Variants in CLN6 observed in about 807,000 individuals in gnomAD.
The protein encoded by CLN6 is ceroid-lipofuscinosis neuronal protein 6.
Under a neutral mutation model 33.3 loss-of-function variants are expected in CLN6, and 22 were observed. The observed-to-expected ratio is 0.66, with a 90% CI of 0.47 to 0.94. The LOEUF (loss-of-function observed/expected upper bound fraction) is 0.94. Among genes scored for constraint, CLN6 ranks in the 40% least tolerant of loss-of-function variants. The pLI is 0.00. For synonymous variants in CLN6, 201 were observed against 174.6 expected (o/e 1.15, Z -1.19); for missense variants, 387 against 417.1 (o/e 0.93, Z 0.63).
At chr15:68,233,072 C>T (rs2093270481), upstream of CLN6, among the ~76,000 whole-genome samples, 1 of 152,090 alleles carries the variant, frequency 6.6e-6, no homozygotes, top group African/African-American at 2.4e-5. The surrounding 1 kb of genome is among the most constrained non-coding windows in gnomAD (Gnocchi z 4.3). Context: ...TAAAGAAGGT[C>T]CTGTAAGGTC....
At chr15:68,215,572 A>G (rs867310285) in intron 2 of CLN6, 26 of 152,074 alleles carry the variant, frequency 1.7e-4, no homozygotes, top group African/African-American at 6.3e-4. Flanking sequence ...CCTGGGCTCA[A>G]GCGATCCTCC....
intron 1 of CLN6, among the ~76,000 whole-genome samples, chr15:68,253,045 CT>C: frequency 6.6e-6 from 1 of 152,176 alleles, no homozygotes; most frequent in South Asian, 2.1e-4. Flanking sequence ...TGCATTTGTT[CT>C]TTTGATGTAT....
rs1287691610 is a variant in CLN6, at chr15:68,228,651, T to C, written c.83+851A>G. ...AACAGCCTGTCTTCCCTGGGTCCCC[T>C]ACCAAGTCCTCTGAGACTCAGCTCA... On this transcript the variant is annotated intron_variant, in intron 1 of 6. Coordinates refer to ENST00000249806, the MANE Select transcript of CLN6 (RefSeq NM_017882.3). This position sits in a 1 kb window ranked among gnomAD's most constrained non-coding sequence, Gnocchi z 4.4. Among the ~76,000 whole-genome samples the C allele has an allele frequency of 3.3e-5, 5 of 152,102 alleles. No individual in the cohort carries two copies. The highest frequency in any genetic ancestry group is 1.3e-4 in the Admixed American group (2 of 15,272).
chr15:68,213,770 T>C (rs1341643721), intron 3 of CLN6: 3 of 165,960 alleles, frequency 1.8e-5, no homozygotes, highest in African/African-American at 7.2e-5. Context: ...CAACCTATAG[T>C]AGTTTTAAAG....
At chr15:68,239,783 G>C (rs530054399) in intron 1 of CLN6, among the ~76,000 whole-genome samples, 9 of 152,208 alleles carry the variant, frequency 5.9e-5, no homozygotes, top group African/African-American at 2.2e-4. Context: ...CAACAATCAA[G>C]GAACAGGCAT....
rs1284349920 is a variant in CLN6 at position 68,207,995 on chromosome 15, C to CAT, written c.*144_*145insAT. The CAT allele has an allele frequency of 6.4e-6, 5 of 782,132 alleles. No individual in the cohort carries two copies. In the East Asian group the frequency reaches 1.3e-4, roughly 21 times the overall value. The allele number at this position is 782,132 out of a possible 1,614,324, so 48.4% of individuals were successfully genotyped here. ...CATATACAAGACACACACACACACA[C>CAT]ACACGAATCCACGCACACGAGGCAC... On this transcript the variant is annotated 3_prime_UTR_variant, in exon 7 of 7. Transcript: ENST00000249806.
At chr15:68,245,857 T>C (rs545981355) in intron 1 of CLN6, among the ~76,000 whole-genome samples, 13 of 151,564 alleles carry the variant, frequency 8.6e-5, no homozygotes, top group African/African-American at 2.9e-4. Flanking sequence ...AGACTGAAAG[T>C]GAAGAGATGG....
chr15:68,226,526 G>A (rs1005714602), intron 1 of CLN6, among the ~76,000 whole-genome samples: 4 of 151,874 alleles, frequency 2.6e-5, no homozygotes, highest in Non-Finnish European at 5.9e-5. Flanking sequence ...GAGTATAATG[G>A]CGCGATCTTG....
Position 68,211,748 on chromosome 15 carries a change from A to G in CLN6, c.413T>C (p.Leu138Pro). ...LVGDSVNHRLLFSGYQHHLSV... is the reference protein window; with the variant it reads ...LVGDSVNHRLPFSGYQHHLSV... ...CAGGTGGTGCTGGTAGCCACTGAAG[A>G]GCAGGCGGTGGTTGACAGAGTCACC... Residue 138 changes from leucine to proline, a missense_variant, in exon 4 of 7, where the codon CTC becomes CCC. Leu to Pro is a moderately conservative substitution (Grantham distance 98). Coordinates refer to ENST00000249806, the MANE Select transcript of CLN6 (RefSeq NM_017882.3). This position sits in a 1 kb window ranked among gnomAD's most constrained non-coding sequence, Gnocchi z 5.9. 1.2e-6 allele frequency: 2 copies of G among 1,613,944 alleles called. No individual in the cohort carries two copies. The highest frequency in any genetic ancestry group is 2.2e-5 in the East Asian group (1 of 44,846).
chr15:68,243,770 A>C (rs1014446859), intron 1 of CLN6, among the ~76,000 whole-genome samples: 11 of 149,832 alleles, frequency 7.3e-5, no homozygotes, highest in South Asian at 6.3e-4. Flanking sequence ...AAAAAAAAAA[A>C]CACAAAAAAA....
chr15:68,234,160 A>T (rs1892192965), upstream of CLN6, among the ~76,000 whole-genome samples: 1 of 152,242 alleles, frequency 6.6e-6, no homozygotes. This position sits in a 1 kb window ranked among gnomAD's most constrained non-coding sequence, Gnocchi z 4.1. Flanking sequence ...GGCACCACCC[A>T]CAACACTGTT....
At position 68,208,004 on chromosome 15, in the gene CLN6, C is replaced by A; in HGVS notation, c.*136G>T. 1.2e-6 allele frequency: 1 copy of A among 844,608 alleles called. No individual in the cohort carries two copies. Among genetic ancestry groups the A allele is most frequent in the Non-Finnish European group, 1.9e-6 (1 of 529,444 alleles). 52.3% of individuals were successfully genotyped at this position (844,608 alleles called of 1,614,324 possible). A position where few individuals can be genotyped will look rare whatever the true frequency, so the allele number is the denominator to read the frequency against. ...GACACACACACACACACACACGAAT[C>A]CACGCACACGAGGCACACCCCACTC... On this transcript the variant is annotated 3_prime_UTR_variant, in exon 7 of 7. Coordinates refer to ENST00000249806, the MANE Select transcript of CLN6 (RefSeq NM_017882.3). The surrounding 1 kb of genome is among the most constrained non-coding windows in gnomAD (Gnocchi z 5.8).
rs532234925 is a variant in CLN6 at position 68,237,002 on chromosome 15, A to T, written c.180-18352T>A. Among the ~76,000 whole-genome samples the T allele has an allele frequency of 2.2e-3, 337 of 151,044 alleles. 2 individuals carry two copies. The highest frequency in any genetic ancestry group is 7.8e-3 in the African/African-American group (320 of 41,158). ...GAAACCCCGTCTCTACTAAAAATACAAAAAATTAGCCGGGCGCGGTGGCGG... is the reference window on the plus strand; with the variant it reads ...GAAACCCCGTCTCTACTAAAAATACTAAAAATTAGCCGGGCGCGGTGGCGG... On this transcript the variant is annotated intron_variant, in intron 1 of 6. Coordinates refer to the CLN6 transcript ENST00000538696.
intron 1 of CLN6, among the ~76,000 whole-genome samples, chr15:68,222,560 C>A (rs2093240734): frequency 6.6e-6 from 1 of 151,420 alleles, no homozygotes; most frequent in Non-Finnish European, 1.5e-5. Flanking sequence ...CCCAGCCGCC[C>A]CGTCTGGGAA....
chr15:68,216,846 G>A (rs575899525), intron 2 of CLN6, among the ~76,000 whole-genome samples: 2 of 152,290 alleles, frequency 1.3e-5, no homozygotes, highest in East Asian at 3.9e-4. Flanking sequence ...GGGTCAGAGG[G>A]ATGAATATAT....
In CLN6 at chr15:68,207,906, GA is replaced by G. The variant is rs1595816238; in HGVS notation, c.*233del. 1 of 589,286 alleles carries G rather than the reference GA, an allele frequency of 1.7e-6. No individual in the cohort carries two copies. The allele number at this position is 589,286 out of a possible 1,614,324, so 36.5% of individuals were successfully genotyped here. On this transcript the variant is annotated 3_prime_UTR_variant, in exon 7 of 7. Transcript: ENST00000249806. ...CTAAAACAGAATCCGATCCTGAGAT[GA>G]TCCAAATCAAACAGAAACTTGACGG...
At position 68,227,045 on chromosome 15, in the gene CLN6, CTT is replaced by C. The variant is rs1256385648; in HGVS notation, c.83+2455_83+2456del. Among the ~76,000 whole-genome samples the C allele has an allele frequency of 7.7e-5, 11 of 142,896 alleles. No homozygotes were observed. The highest frequency in any genetic ancestry group is 6.2e-5 in the Non-Finnish European group (4 of 64,908). 93.7% of individuals were successfully genotyped at this position (142,896 alleles called of 152,430 possible). On this transcript the variant is annotated intron_variant, in intron 1 of 6. Transcript: ENST00000249806. The surrounding 1 kb of genome is among the most constrained non-coding windows in gnomAD (Gnocchi z 4.1). ...TACTTTCTTTTCTTTTCTTTTTTTA[CTT>C]TTTTTTTTTTTTGAGACAGTCTCAC...
chr15:68,208,097 C>A lies in CLN6; in HGVS notation c.*43G>T. ...CTGTATTCAGATGCCCTCCATGGCC[C>A]ACCCTCCCACCCAGCAGAGCGCCAG... On this transcript the variant is annotated 3_prime_UTR_variant, in exon 7 of 7. Transcript: ENST00000249806. The surrounding 1 kb of genome is among the most constrained non-coding windows in gnomAD (Gnocchi z 5.8). The A allele has an allele frequency of 4.5e-6, 6 of 1,320,496 alleles. No individual in the cohort carries two copies. Among genetic ancestry groups the A allele is most frequent in the South Asian group, 3.7e-5 (3 of 80,464 alleles). 81.8% of individuals were successfully genotyped at this position (1,320,496 alleles called of 1,614,324 possible).
At chr15:68,235,587 AATATATATATATATATATATATAT>A (rs59823320) in intron 1 of CLN6, among the ~76,000 whole-genome samples, 54,963 of 94,666 alleles carry the variant, frequency 0.58, 12,074 homozygotes, top group East Asian at 0.81. Flanking sequence ...AATAAAAATA[AATATATATATATATATATATATAT>A]ATATATATAT....
Sources: allele counts gnomAD v4.1 joint callset (sites outside exome capture counted in the v4.1 genomes callset), GRCh38; gene constraint gnomAD v4.1.1; non-coding constraint Gnocchi (gnomAD v3.1); transcripts MANE v1.5; gene names NCBI Gene and HGNC (gene_info 2026-07-23, HGNC 2026-07-21).